Variants in BCAS3 observed in about 807,000 individuals in gnomAD.
The protein encoded by BCAS3 is BCAS3 microtubule associated cell migration factor.
In BCAS3, 53 loss-of-function variants were observed where a neutral mutation model predicts 116.1. The ratio of observed to expected loss-of-function variants is 0.46; its 90% CI spans 0.37 to 0.57. The LOEUF is 0.57. BCAS3 is among the 20% of genes least tolerant of loss of function. BCAS3 has a pLI of 0.00. For missense variants in BCAS3, 917 were observed against 1,165.4 expected, an observed-to-expected ratio of 0.79 and a Z score of 3.10; for synonymous variants, 391 against 408.2, an observed-to-expected ratio of 0.96 and a Z score of 0.51.
chr17:61,231,888 GAA>G (rs1164883120), intron 22 of BCAS3, among the ~76,000 whole-genome samples: 12 of 108,234 alleles, frequency 1.1e-4, no homozygotes, highest in African/African-American at 4.0e-4. Context: ...AAAAAAAAAA[GAA>G]AGAGAAAGAA....
intron 14 of BCAS3, among the ~76,000 whole-genome samples, chr17:60,988,337 TC>T (rs2063295488): frequency 1.8e-5 from 2 of 108,746 alleles, no homozygotes; most frequent in Admixed American, 1.0e-4. Flanking sequence ...CTTTTCTTTT[TC>T]TTTTTTTTTT....
intron 19 of BCAS3, chr17:61,070,399 A>ATATATATATAT (rs1423455439): frequency 3.8e-5 from 7 of 186,468 alleles, no homozygotes; most frequent in East Asian, 1.4e-4. Flanking sequence ...ATATATATAT[A>ATATATATATAT]TCTTTTCACC....
At chr17:60,790,940 C>T (rs2046717516) in intron 6 of BCAS3, among the ~76,000 whole-genome samples, 1 of 151,984 alleles carries the variant, frequency 6.6e-6, no homozygotes, top group African/African-American at 2.4e-5. Flanking sequence ...GATGGTTTCA[C>T]CATGTTGGCC....
At position 61,161,384 on chromosome 17, in the gene BCAS3, G is replaced by A. The variant is rs75071950; in HGVS notation, c.2425+76820G>A. Among the ~76,000 whole-genome samples the A allele has an allele frequency of 3.2e-4, 49 of 152,300 alleles. No individual in the cohort carries two copies. The East Asian group carries it at 8.5e-3, about 26-fold the overall frequency. ...TTAGAAAAGGCCTGGGATGGATTTT[G>A]ATCATGTTACAAGGCCCACTTGTTG... On this transcript the variant is annotated intron_variant, in intron 22 of 23. Coordinates refer to ENST00000407086, the MANE Select transcript of BCAS3 (RefSeq NM_017679.5). This position sits in a 1 kb window ranked among gnomAD's most constrained non-coding sequence, Gnocchi z 4.8.
chr17:61,090,359 A>C (rs1369650036), intron 22 of BCAS3, among the ~76,000 whole-genome samples: 1 of 152,240 alleles, frequency 6.6e-6, no homozygotes, highest in Non-Finnish European at 1.5e-5. Flanking sequence ...GTGTGGGATC[A>C]GTAAGAAGAT....
intron 22 of BCAS3, among the ~76,000 whole-genome samples, chr17:61,158,420 C>T (rs1327019858): frequency 6.6e-6 from 1 of 152,106 alleles, no homozygotes; most frequent in African/African-American, 2.4e-5. Context: ...TGAACTAAAT[C>T]TCTAGGTTAT....
intron 7 of BCAS3, among the ~76,000 whole-genome samples, chr17:60,826,742 G>A (rs1232410115): frequency 6.6e-6 from 1 of 152,080 alleles, no homozygotes; most frequent in East Asian, 1.9e-4. Context: ...CATCTCTCCT[G>A]AGCTATTTGC....
At chr17:60,801,785 A>T (rs1025772978) in intron 6 of BCAS3, among the ~76,000 whole-genome samples, 3 of 152,164 alleles carry the variant, frequency 2.0e-5, no homozygotes, top group Admixed American at 2.0e-4. Context: ...GAACCTGAAG[A>T]AGCTGATAAA....
intron 23 of BCAS3, among the ~76,000 whole-genome samples, chr17:61,371,863 G>A (rs375529849): frequency 6.6e-6 from 1 of 152,206 alleles, no homozygotes; most frequent in Middle Eastern, 3.2e-3. Context: ...GCTGAAGTTT[G>A]AGAAGGTCAG....
At chr17:61,320,203 T>G (rs1049848470) in intron 22 of BCAS3, among the ~76,000 whole-genome samples, 2 of 151,898 alleles carry the variant, frequency 1.3e-5, no homozygotes, top group African/African-American at 4.8e-5. Context: ...ATAGTCTTTT[T>G]TCTATGCATT....
chr17:60,808,358 C>A (rs1427910738), intron 7 of BCAS3, among the ~76,000 whole-genome samples: 2 of 152,090 alleles, frequency 1.3e-5, no homozygotes, highest in Non-Finnish European at 2.9e-5. Context: ...TTAGTGCATT[C>A]CCTCAAATTG....
At position 61,392,258 on chromosome 17, in the gene BCAS3, C is replaced by T. The variant is rs377128397; in HGVS notation, c.*133C>T. ...CTTCCCCAAGCTTAGTGACAGCAGCCGCCCATCCTACCTGGATGGAGAAGA... is the reference window on the plus strand; with the variant it reads ...CTTCCCCAAGCTTAGTGACAGCAGCTGCCCATCCTACCTGGATGGAGAAGA... On this transcript the variant is annotated 3_prime_UTR_variant, in exon 24 of 24. Transcript: ENST00000407086. This position sits in a 1 kb window ranked among gnomAD's most constrained non-coding sequence, Gnocchi z 6.4. 98 of 1,114,006 alleles carry T rather than the reference C, an allele frequency of 8.8e-5. No homozygotes were observed. The highest frequency in any genetic ancestry group is 4.5e-4 in the South Asian group (28 of 62,886). The allele number at this position is 1,114,006 out of a possible 1,614,324, so 69.0% of individuals were successfully genotyped here.
intron 4 of BCAS3, among the ~76,000 whole-genome samples, chr17:60,701,608 T>C (rs775868589): frequency 5.3e-5 from 8 of 152,010 alleles, no homozygotes; most frequent in Non-Finnish European, 7.4e-5. Context: ...GAAAAAGATA[T>C]GTCATGAATG....
intron 22 of BCAS3, among the ~76,000 whole-genome samples, chr17:61,291,377 G>A (rs1311918908): frequency 6.6e-6 from 1 of 152,186 alleles, no homozygotes; most frequent in Non-Finnish European, 1.5e-5. Context: ...GAGAGGAATT[G>A]AGCTTGCTTT....
rs2082411424 is a variant in BCAS3 at position 61,227,130 on chromosome 17, T to A, written c.2426-141197T>A. 6.6e-6 allele frequency among the ~76,000 whole-genome samples: 1 copy of A among 152,178 alleles called. No homozygotes were observed. Among genetic ancestry groups the A allele is most frequent in the South Asian group, 2.1e-4 (1 of 4,836 alleles). On this transcript the variant is annotated intron_variant, in intron 22 of 23. Transcript: ENST00000407086. The surrounding 1 kb of genome is among the most constrained non-coding windows in gnomAD (Gnocchi z 6.1). ...GCTGATGTTACGCGGTTAGCCAGAA[T>A]GAACTGATTTTGGCTAGAGCCTTTT...
intron 5 of BCAS3, among the ~76,000 whole-genome samples, chr17:60,744,219 T>G (rs1248595835): frequency 6.6e-5 from 10 of 152,174 alleles, no homozygotes; most frequent in Admixed American, 5.9e-4. Flanking sequence ...CTATTGTTGG[T>G]TTAAAAGTGA....
In BCAS3 at chr17:61,052,771, T is replaced by A. The variant is rs542129835; in HGVS notation, c.2029+11879T>A. Among the ~76,000 whole-genome samples the A allele has an allele frequency of 9.5e-5, 14 of 147,508 alleles. No homozygotes were observed. The East Asian group carries it at 2.8e-3, about 30-fold the overall frequency. On this transcript the variant is annotated intron_variant, in intron 19 of 23. Coordinates refer to ENST00000407086, the MANE Select transcript of BCAS3 (RefSeq NM_017679.5). ...TTCTCTCCCATTGCCCAGGCTGGAG[T>A]GTAGTGGCACGCTCTTGGCTCACTA...
intron 6 of BCAS3, among the ~76,000 whole-genome samples, chr17:60,789,887 C>T (rs1372214896): frequency 6.6e-6 from 1 of 151,860 alleles, no homozygotes; most frequent in Non-Finnish European, 1.5e-5. Flanking sequence ...AAGATATCCA[C>T]AATAAAATTA....
Position 61,347,730 on chromosome 17 carries a change from G to C in BCAS3, c.2426-20597G>C, listed in dbSNP as rs1287237415. The stretch of plus-strand genomic sequence containing the variant: ...TGCTATGTGAAGGTAAGCCTAGGGT[G>C]TTGTGGGGGCCGGTAGGAAGACCTA... On this transcript the variant is annotated intron_variant, in intron 22 of 23. Transcript: ENST00000407086. This position sits in a 1 kb window ranked among gnomAD's most constrained non-coding sequence, Gnocchi z 4.3. Among the ~76,000 whole-genome samples the C allele has an allele frequency of 6.6e-6, 1 of 152,252 alleles. No homozygotes were observed. Among genetic ancestry groups the C allele is most frequent in the Non-Finnish European group, 1.5e-5 (1 of 68,040 alleles).
Sources: allele counts gnomAD v4.1 joint callset (sites outside exome capture counted in the v4.1 genomes callset), GRCh38; gene constraint gnomAD v4.1.1; non-coding constraint Gnocchi (gnomAD v3.1); transcripts MANE v1.5; gene names NCBI Gene and HGNC (gene_info 2026-07-23, HGNC 2026-07-21).